MRM2: variants seen among roughly 807,000 people sequenced by gnomAD.
MRM2 encodes rRNA methyltransferase 2, mitochondrial.
Under a neutral mutation model 10.9 loss-of-function variants are expected in MRM2, and 15 were observed. The observed-to-expected ratio is 1.37, with a 90% CI of 0.92 to 2.11. The LOEUF (loss-of-function observed/expected upper bound fraction) is 2.11. Among genes scored for constraint, MRM2 ranks in the 30% most tolerant of loss-of-function variants. MRM2 has a pLI of 0.00. For synonymous variants in MRM2, 139 were observed against 128.7 expected (o/e 1.08, Z -0.54); for missense variants, 328 against 321.3 (o/e 1.02, Z -0.16).
At chr7:2,237,210 G>C (rs1056352550) in intron 2 of MRM2, among the ~76,000 whole-genome samples, 1 of 152,208 alleles carries the variant, frequency 6.6e-6, no homozygotes, top group Non-Finnish European at 1.5e-5. Context: ...ATATTGCCCA[G>C]GCTGGTCTCG....
chr7:2,241,891 T>C, intron 1 of MRM2: 1 of 430,588 alleles, frequency 2.3e-6, no homozygotes, highest in East Asian at 3.8e-5. Context: ...GCCTTGGATC[T>C]GGGCCCCGGC....
At position 2,235,162 on chromosome 7, in the gene MRM2, G is replaced by C; in HGVS notation, c.701C>G (p.Ala234Gly). 6.2e-7 allele frequency: 1 copy of C among 1,614,052 alleles called. No homozygotes were observed. The highest frequency in any genetic ancestry group is 1.1e-5 in the South Asian group (1 of 91,084). The change falls in exon 3 of 3, where the codon GCC (alanine) becomes GGC (glycine). Residue 234 changes from alanine to glycine, a missense_variant. By Grantham distance (60) the Ala-to-Gly change is moderately conservative (BLOSUM62 0). Coordinates refer to ENST00000242257, the MANE Select transcript of MRM2 (RefSeq NM_013393.3). Reference sequence around the variant, plus strand: ...GCCCTTCCTTCCGTGGTACTGTGTGGCCAAGAAGTACACTTCTGATGACTC... The same window carrying C: ...GCCCTTCCTTCCGTGGTACTGTGTGCCCAAGAAGTACACTTCTGATGACTC... ...RKESSEVYFL[A>G]TQYHGRKGTV...
At position 2,242,145 on chromosome 7, in the gene MRM2, A is replaced by T; in HGVS notation, c.8+17T>A. On this transcript the variant is annotated intron_variant, in intron 1 of 2. Transcript: ENST00000242257. Reference sequence around the variant, plus strand: ...CACTCCCGCTGTCTGCACGCGCAGCAGCAGCGCCCAGCTCACCCCGCCATT... The same window carrying T: ...CACTCCCGCTGTCTGCACGCGCAGCTGCAGCGCCCAGCTCACCCCGCCATT... 6.3e-7 allele frequency: 1 copy of T among 1,583,098 alleles called. No homozygotes were observed. Among genetic ancestry groups the T allele is most frequent in the South Asian group, 1.1e-5 (1 of 88,030 alleles).
intron 2 of MRM2, among the ~76,000 whole-genome samples, chr7:2,237,625 T>C (rs533679536): frequency 6.6e-6 from 1 of 152,270 alleles, no homozygotes; most frequent in East Asian, 1.9e-4. Context: ...AGTCAATAAA[T>C]GTTGAGCTGA....
Position 2,234,721 on chromosome 7 carries a change from GGGGTGGAA to G in MRM2, c.*393_*400del, listed in dbSNP as rs1366791517. On this transcript the variant is annotated 3_prime_UTR_variant, in exon 3 of 3. Coordinates refer to ENST00000242257, the MANE Select transcript of MRM2 (RefSeq NM_013393.3). The stretch of plus-strand genomic sequence containing the variant: ...ATCTGTGCGTGGTGCTCTCAGAGCA[GGGGTGGAA>G]AGCCTGTTTGTGTGTGACAGTTTAA... 1 of 208,474 alleles carries G rather than the reference GGGGTGGAA, an allele frequency of 4.8e-6. No individual in the cohort carries two copies. Among genetic ancestry groups the G allele is most frequent in the Non-Finnish European group, 9.8e-6 (1 of 102,452 alleles). The allele number at this position is 208,474 out of a possible 1,614,324, so 12.9% of individuals were successfully genotyped here. A position where few individuals can be genotyped will look rare whatever the true frequency, so the allele number is the denominator to read the frequency against.
At chr7:2,240,172 A>C in intron 1 of MRM2, 1 of 385,056 alleles carries the variant, frequency 2.6e-6, no homozygotes, top group South Asian at 1.9e-5. Flanking sequence ...CAGTGAGCCG[A>C]GATTGCGCCA....
Position 2,234,876 on chromosome 7 carries a change from CTT to C in MRM2, c.*244_*245del, listed in dbSNP as rs1794389329. 3.9e-6 allele frequency: 2 copies of C among 518,830 alleles called. No individual in the cohort carries two copies. Among genetic ancestry groups the C allele is most frequent in the East Asian group, 6.8e-5 (2 of 29,522 alleles). The allele number at this position is 518,830 out of a possible 1,614,324, so 32.1% of individuals were successfully genotyped here. ...CATCCTTCCATCCTCACCTCTTTCTCTTGATAACTTTCTCTTCCCAAATCACA... is the reference window on the plus strand; with the variant it reads ...CATCCTTCCATCCTCACCTCTTTCTCGATAACTTTCTCTTCCCAAATCACA... On this transcript the variant is annotated 3_prime_UTR_variant, in exon 3 of 3. Coordinates refer to ENST00000242257, the MANE Select transcript of MRM2 (RefSeq NM_013393.3).
Position 2,235,393 on chromosome 7 carries a change from G to A in MRM2, c.470C>T (p.Pro157Leu). 1 of 1,614,104 alleles carries A rather than the reference G, an allele frequency of 6.2e-7. No individual in the cohort carries two copies. Among genetic ancestry groups the A allele is most frequent in the Non-Finnish European group, 8.5e-7 (1 of 1,180,026 alleles). Residue 157 changes from proline (P) to leucine (L), a missense_variant, in exon 3 of 3, where the codon CCC becomes CTC. Pro to Leu is a moderately conservative substitution (Grantham distance 98, BLOSUM62 -3). Coordinates refer to ENST00000242257, the MANE Select transcript of MRM2 (RefSeq NM_013393.3). ...GAGGTCCCGGAACCCTGTGGCATTGGGCGCCATGTCGCTCAGAATCACATC... is the reference window on the plus strand; with the variant it reads ...GAGGTCCCGGAACCCTGTGGCATTGAGCGCCATGTCGCTCAGAATCACATC... ...RADVILSDMAPNATGFRDLDH... is the reference protein window; with the variant it reads ...RADVILSDMALNATGFRDLDH...
chr7:2,242,113 C>A (rs1331292061), intron 1 of MRM2, 49 bp downstream of exon 1: 2 of 1,577,342 alleles, frequency 1.3e-6, no homozygotes, highest in Non-Finnish European at 1.7e-6. Flanking sequence ...CCGGGCGGAC[C>A]CCCAACCACT....
chr7:2,238,028 C>T (rs1013766828), intron 2 of MRM2: 12 of 152,122 alleles, frequency 7.9e-5, no homozygotes, highest in African/African-American at 2.4e-4. Flanking sequence ...AAACCAGCAG[C>T]GAGGCAGATG....
chr7:2,237,440 C>T (rs1794437381), intron 2 of MRM2, among the ~76,000 whole-genome samples: 1 of 152,190 alleles, frequency 6.6e-6, no homozygotes, highest in Admixed American at 6.5e-5. Flanking sequence ...ATCACGCTCA[C>T]GCTCTCTCCT....
chr7:2,242,138 G>A (rs767998004), intron 1 of MRM2, 24 bp downstream of exon 1: 11 of 1,582,864 alleles, frequency 6.9e-6, no homozygotes, highest in South Asian at 3.4e-5. Flanking sequence ...CTGTCTGCAC[G>A]CGCAGCAGCA....
At chr7:2,237,681 G>A (rs897374456) in intron 2 of MRM2, among the ~76,000 whole-genome samples, 1 of 152,108 alleles carries the variant, frequency 6.6e-6, no homozygotes, top group Admixed American at 6.6e-5. Context: ...GAAGCACCAG[G>A]AAGCACCTCG....
rs529935184 is a variant in MRM2 at position 2,234,216 on chromosome 7, C to G, written c.*906G>C. On this transcript the variant is annotated 3_prime_UTR_variant, in exon 3 of 3. Coordinates refer to ENST00000242257, the MANE Select transcript of MRM2 (RefSeq NM_013393.3). Reference sequence around the variant, plus strand: ...AAAGTACCTTAAAATAATGCAATCTCTATTATTTTATTAAATATAAAGCTG... The same window carrying G: ...AAAGTACCTTAAAATAATGCAATCTGTATTATTTTATTAAATATAAAGCTG... 6.6e-6 allele frequency: 1 copy of G among 152,292 alleles called. No homozygotes were observed. The highest frequency in any genetic ancestry group is 2.4e-5 in the African/African-American group (1 of 41,568). The allele number at this position is 152,292 out of a possible 1,614,324, so 9.4% of individuals were successfully genotyped here.
At chr7:2,240,942 C>G (rs554567518) in intron 1 of MRM2, among the ~76,000 whole-genome samples, 1 of 152,124 alleles carries the variant, frequency 6.6e-6, no homozygotes, top group Admixed American at 6.6e-5. Flanking sequence ...CTGATCTGCC[C>G]GCCTTGGCCT....
chr7:2,241,479 T>G (rs1444987392), intron 1 of MRM2, among the ~76,000 whole-genome samples: 1 of 151,206 alleles, frequency 6.6e-6, no homozygotes, highest in Non-Finnish European at 1.5e-5. Context: ...CTTAAAAACC[T>G]TTTTTAGAGA....
chr7:2,239,310 C>T lies in MRM2; in HGVS notation c.298+108G>A, dbSNP rs924666079. ...AAACCACCCACTCGGAAGCACACGC[C>T]TTCAAAAAAGGGCTCCACCATCCCG... On this transcript the variant is annotated intron_variant, in intron 2 of 2. Transcript: ENST00000242257. 7.1e-6 allele frequency: 8 copies of T among 1,123,964 alleles called. No individual in the cohort carries two copies. In the South Asian group the frequency reaches 8.7e-5, roughly 12 times the overall value. The allele number at this position is 1,123,964 out of a possible 1,614,324, so 69.6% of individuals were successfully genotyped here.
At chr7:2,241,925 G>A (rs1480901933) in intron 1 of MRM2, 4 of 464,262 alleles carry the variant, frequency 8.6e-6, no homozygotes, top group Non-Finnish European at 1.1e-5. Context: ...CCTGGACTCC[G>A]CCGCCGGCCC....
chr7:2,238,391 T>C (rs756509894), intron 2 of MRM2: 5 of 152,236 alleles, frequency 3.3e-5, no homozygotes, highest in Non-Finnish European at 5.9e-5. Flanking sequence ...GTGTCTTCAG[T>C]TGCATGGGCG....
Sources: gnomAD v4.1 joint callset for allele counts (sites outside exome capture counted in the v4.1 genomes callset) on GRCh38, gnomAD v4.1.1 for gene constraint, MANE v1.5 for transcripts, NCBI Gene and HGNC (gene_info 2026-07-23, HGNC 2026-07-21) for gene names.